Variants in MSRB3 observed in about 807,000 individuals in gnomAD.
The protein encoded by MSRB3 is methionine sulfoxide reductase B3.
MSRB3 carries 13 observed loss-of-function variants against 21.0 expected under a neutral mutation model. That is an observed-to-expected ratio of 0.62 (90% CI 0.40 to 0.98). MSRB3 has a LOEUF of 0.98. Ranked by LOEUF, MSRB3 falls within the 50% of genes least tolerant of loss-of-function variation. The pLI, the probability that MSRB3 is intolerant of heterozygous loss-of-function variation, is 0.00. For synonymous variants in MSRB3, 87 were observed against 88.6 expected (o/e 0.98, Z 0.10); for missense variants, 199 against 230.3 (o/e 0.86, Z 0.88).
intron 4 of MSRB3, among the ~76,000 whole-genome samples, chr12:65,367,359 T>C (rs894276855): frequency 6.6e-6 from 1 of 152,026 alleles, no homozygotes; most frequent in Non-Finnish European, 1.5e-5. Context: ...AAAGGAGTAA[T>C]TGATATAGCC....
intron 5 of MSRB3, among the ~76,000 whole-genome samples, chr12:65,405,605 C>G (rs1880371103): frequency 1.3e-5 from 2 of 152,022 alleles, no homozygotes; most frequent in Admixed American, 6.6e-5. Flanking sequence ...GATACATACC[C>G]CAGTAGTGGG....
chr12:65,364,028 T>C (rs749019643), intron 4 of MSRB3, among the ~76,000 whole-genome samples: 7 of 152,046 alleles, frequency 4.6e-5, no homozygotes, highest in Non-Finnish European at 8.8e-5. Context: ...GAGATTCATA[T>C]GGCAGTTGCA....
chr12:65,297,593 A>G (rs945253402), intron 1 of MSRB3, among the ~76,000 whole-genome samples: 1 of 152,348 alleles, frequency 6.6e-6, no homozygotes, highest in African/African-American at 2.4e-5. Context: ...TTCATGAAGC[A>G]TATAGTGTAC....
At chr12:65,419,484 C>T (rs1327177566) in intron 5 of MSRB3, 14 of 741,404 alleles carry the variant, frequency 1.9e-5, no homozygotes, top group Admixed American at 3.5e-5. Flanking sequence ...AGATGTCGCT[C>T]TCCACAGACT....
At chr12:65,421,686 GT>G (rs776272647) in intron 5 of MSRB3, among the ~76,000 whole-genome samples, 3 of 152,120 alleles carry the variant, frequency 2.0e-5, no homozygotes, top group Admixed American at 6.5e-5. Flanking sequence ...TGCTGAGGAA[GT>G]TTTTTTACCT....
intron 5 of MSRB3, among the ~76,000 whole-genome samples, chr12:65,444,678 A>C (rs746497567): frequency 1.5e-3 from 229 of 152,250 alleles, no homozygotes; most frequent in Non-Finnish European, 2.0e-3. Context: ...CTTCTTCACT[A>C]TGCTTTCCAA....
chr12:65,412,156 T>G (rs927023511), intron 5 of MSRB3, among the ~76,000 whole-genome samples: 4 of 152,280 alleles, frequency 2.6e-5, no homozygotes, highest in Middle Eastern at 3.4e-3. Context: ...GTTAAGCCAG[T>G]TCAAGATTTT....
chr12:65,365,324 A>G (rs1877947001), intron 4 of MSRB3, among the ~76,000 whole-genome samples: 1 of 152,110 alleles, frequency 6.6e-6, no homozygotes, highest in South Asian at 2.1e-4. Context: ...CCAGGCCCCC[A>G]CTGTGGGGTA....
At chr12:65,322,046 A>C (rs1212016365) in intron 2 of MSRB3, among the ~76,000 whole-genome samples, 1 of 152,196 alleles carries the variant, frequency 6.6e-6, no homozygotes, top group Non-Finnish European at 1.5e-5. Context: ...TCACACCGAA[A>C]TATAAAATTT....
intron 1 of MSRB3, 42 bp downstream of exon 1, chr12:65,278,907 C>T (rs1871826523): frequency 3.9e-6 from 6 of 1,544,280 alleles, no homozygotes; most frequent in Non-Finnish European, 5.3e-6. Context: ...CGCCTCACCC[C>T]TCCCACCCCG....
intron 4 of MSRB3, among the ~76,000 whole-genome samples, chr12:65,357,081 A>C (rs1329274992): frequency 8.6e-5 from 13 of 151,928 alleles, no homozygotes; most frequent in Non-Finnish European, 2.9e-5. Context: ...AATGACTCCA[A>C]AGGAACAAAA....
At chr12:65,347,784 T>C (rs1166547870) in intron 4 of MSRB3, among the ~76,000 whole-genome samples, 1 of 152,212 alleles carries the variant, frequency 6.6e-6, no homozygotes, top group African/African-American at 2.4e-5. Flanking sequence ...TATTGAGAGT[T>C]TTTAGCACGA....
rs753005286 is a variant in MSRB3, at chr12:65,325,422, CA to C, written c.77-1403del. The stretch of plus-strand genomic sequence containing the variant: ...GGTGCTGTCTGACAACCTGCAGGCC[CA>C]CTCCAAGGTGTATCTTGCTCTTTGG... On this transcript the variant is annotated intron_variant, in intron 2 of 6. Transcript: ENST00000308259. Among the ~76,000 whole-genome samples, 24 of 152,158 alleles carry C rather than the reference CA, an allele frequency of 1.6e-4. No homozygotes were observed. In the East Asian group the frequency reaches 4.6e-3, roughly 29 times the overall value.
intron 4 of MSRB3, among the ~76,000 whole-genome samples, chr12:65,368,097 T>G (rs1472578227): frequency 2.0e-5 from 3 of 152,124 alleles, no homozygotes; most frequent in African/African-American, 7.2e-5. Flanking sequence ...CTTCCAAAAG[T>G]GCTTTGGAAC....
intron 2 of MSRB3, among the ~76,000 whole-genome samples, chr12:65,317,430 A>C (rs1874370929): frequency 6.6e-6 from 1 of 152,334 alleles, no homozygotes; most frequent in South Asian, 2.1e-4. Context: ...CCACATATTT[A>C]ATAGTGCACA....
intron 5 of MSRB3, among the ~76,000 whole-genome samples, chr12:65,422,646 G>A (rs970876912): frequency 2.6e-5 from 4 of 151,044 alleles, no homozygotes; most frequent in African/African-American, 9.7e-5. Context: ...ATGGCTGTGG[G>A]TAGTATGAAT....
chr12:65,394,522 A>G (rs1879670088), intron 5 of MSRB3, among the ~76,000 whole-genome samples: 1 of 152,236 alleles, frequency 6.6e-6, no homozygotes, highest in South Asian at 2.1e-4. Flanking sequence ...TATTTAAAGA[A>G]GAATTAATGC....
chr12:65,432,425 T>C (rs1328102468), intron 5 of MSRB3, among the ~76,000 whole-genome samples: 2 of 151,924 alleles, frequency 1.3e-5, no homozygotes, highest in Non-Finnish European at 2.9e-5. Flanking sequence ...GCTTGATGGT[T>C]CCACAAAAAA....
intron 5 of MSRB3, chr12:65,418,916 G>T (rs754800119): frequency 1.1e-5 from 8 of 721,520 alleles, no homozygotes; most frequent in Non-Finnish European, 2.0e-5. Flanking sequence ...TTAATGTTCA[G>T]CAGGGCCTCC....
Sources: gnomAD v4.1 joint callset for allele counts (sites outside exome capture counted in the v4.1 genomes callset) on GRCh38, gnomAD v4.1.1 for gene constraint, MANE v1.5 for transcripts, NCBI Gene and HGNC (gene_info 2026-07-23, HGNC 2026-07-21) for gene names.